IQSEC1: variants seen among roughly 807,000 people sequenced by gnomAD.
IQSEC1 encodes the protein IQ motif and SEC7 domain-containing protein 1.
A neutral mutation model predicts 91.0 loss-of-function variants in IQSEC1; 31 were observed. That is an observed-to-expected ratio of 0.34 (90% CI 0.26 to 0.46). IQSEC1 has a LOEUF of 0.46. IQSEC1 is among the 20% of genes least tolerant of loss of function. The probability of loss-of-function intolerance (pLI) is 1.00; values close to 1 mark genes in which losing one functional copy is unlikely to be tolerated. For missense variants in IQSEC1, 1,388 were observed against 1,575.6 expected (o/e 0.88, Z 2.02); for synonymous variants, 699 against 662.6 (o/e 1.05, Z -0.84).
At chr3:13,234,225 T>C (rs1694883581) in intron 1 of IQSEC1, among the ~76,000 whole-genome samples, 1 of 149,908 alleles carries the variant, frequency 6.7e-6, no homozygotes. Flanking sequence ...TGAGCCCCCG[T>C]GTCTGTGCCT....
chr3:13,047,772 T>C (rs1434383297), intron 1 of IQSEC1, among the ~76,000 whole-genome samples: 5 of 152,144 alleles, frequency 3.3e-5, no homozygotes, highest in African/African-American at 4.8e-5. Flanking sequence ...CCTGTTCAGA[T>C]GGGGAAACTG....
rs554485363 is a variant in IQSEC1 at position 13,106,291 on chromosome 3, T to C, written c.302+57813A>G. 3.9e-5 allele frequency among the ~76,000 whole-genome samples: 6 copies of C among 152,222 alleles called. No homozygotes were observed. The East Asian group carries it at 5.8e-4, about 15-fold the overall frequency. ...CTGGGCTCCCACTGCCCACACTCCA[T>C]TGTGACTCTCTACCTCCCCCAGGCC... On this transcript the variant is annotated intron_variant, in intron 2 of 15. Coordinates refer to the IQSEC1 transcript ENST00000648114.
chr3:12,943,679 C>T (rs1698962375), intron 1 of IQSEC1, among the ~76,000 whole-genome samples: 1 of 152,056 alleles, frequency 6.6e-6, no homozygotes, highest in African/African-American at 2.4e-5. Context: ...TTCTGCTCTG[C>T]TTCTGTCTCT....
At position 13,211,519 on chromosome 3, in the gene IQSEC1, G is replaced by A. The variant is rs1211762619; in HGVS notation, c.273-47386C>T. Among the ~76,000 whole-genome samples the A allele has an allele frequency of 2.6e-5, 4 of 151,998 alleles. No individual in the cohort carries two copies. The highest frequency in any genetic ancestry group is 9.7e-5 in the African/African-American group (4 of 41,368). ...CATCCACCCCCAAGTCCCCTTTTGG[G>A]AGCAGTGTCTTCAGCCACCTCCCTG... On this transcript the variant is annotated intron_variant, in intron 1 of 15. Coordinates refer to the IQSEC1 transcript ENST00000648114. The surrounding 1 kb of genome is among the most constrained non-coding windows in gnomAD (Gnocchi z 5.3).
Position 12,936,276 on chromosome 3 carries a change from C to A in IQSEC1, c.740G>T (p.Arg247Leu). 6.2e-7 allele frequency: 1 copy of A among 1,613,302 alleles called. No homozygotes were observed. The highest frequency in any genetic ancestry group is 1.1e-5 in the South Asian group (1 of 91,052). The change falls in exon 3 of 14, where the codon CGC becomes CTC. Residue 247 changes from arginine (R) to leucine (L), a missense_variant. Arg to Leu is a moderately radical substitution (Grantham distance 102). Around this residue, in one of 2 missense-constraint regions of IQSEC1, gnomAD observed 1,059 missense variants for 1,317.8 expected, o/e 0.80. Transcript: ENST00000613206. ...CGGTGCCTCCTCAGTGTGCAGGCTG[C>A]GGCAGTTGAGGGCATCGTCGATGGA... ...AESIDDALNC[R>L]SLHTEEAPAL...
intron 2 of IQSEC1, among the ~76,000 whole-genome samples, chr3:13,089,459 C>T (rs1462143729): frequency 6.6e-6 from 1 of 152,046 alleles, no homozygotes; most frequent in African/African-American, 2.4e-5. Context: ...GTGGTGCACA[C>T]CTGTAGTCCC....
In IQSEC1 at chr3:13,259,070, C is replaced by T. The variant is rs1164053386; in HGVS notation, c.272+23641G>A. ...CACCATGGCCAGAGAGGTCTCTCAACATGATAAACTGGACCCTGTCATCCA... is the reference window on the plus strand; with the variant it reads ...CACCATGGCCAGAGAGGTCTCTCAATATGATAAACTGGACCCTGTCATCCA... On this transcript the variant is annotated intron_variant, in intron 1 of 15. Transcript: ENST00000648114. This position sits in a 1 kb window ranked among gnomAD's most constrained non-coding sequence, Gnocchi z 4.6. 1.3e-5 allele frequency among the ~76,000 whole-genome samples: 2 copies of T among 152,214 alleles called. No individual in the cohort carries two copies. Among genetic ancestry groups the T allele is most frequent in the African/African-American group, 2.4e-5 (1 of 41,442 alleles).
At chr3:12,996,941 T>C (rs1702248056) in intron 1 of IQSEC1, among the ~76,000 whole-genome samples, 1 of 152,222 alleles carries the variant, frequency 6.6e-6, no homozygotes, top group Admixed American at 6.5e-5. Context: ...TCAAAAATGC[T>C]GTAGGGTGAG....
At chr3:13,251,811 T>C (rs1405809501) in intron 1 of IQSEC1, among the ~76,000 whole-genome samples, 1 of 152,158 alleles carries the variant, frequency 6.6e-6, no homozygotes, top group Admixed American at 6.5e-5. Flanking sequence ...CTAGGAGGAT[T>C]GAGTGACAAG....
chr3:12,923,742 C>T (rs911262450), intron 4 of IQSEC1, among the ~76,000 whole-genome samples: 27 of 152,218 alleles, frequency 1.8e-4, no homozygotes, highest in African/African-American at 6.5e-4. Context: ...CGTGAGGCCT[C>T]GTGCTCCAGG....
rs1244786554 is a variant in IQSEC1, at chr3:12,901,474, G to A, written c.2854C>T (p.Arg952Ter). 3 of 1,549,750 alleles carry A rather than the reference G, an allele frequency of 1.9e-6. No homozygotes were observed. The highest frequency in any genetic ancestry group is 2.0e-5 in the Admixed American group (1 of 50,992). The change falls in exon 14 of 14, where the codon CGA (arginine) becomes TGA (stop). Residue 952 changes from arginine (R) to a stop codon, truncating the protein, a stop_gained. Transcript: ENST00000613206. LOFTEE classifies it low-confidence loss of function (END_TRUNC). ...TGGTGTGGGCGAGATGGACACTCTC[G>A]TGTTGATGTAGCTCTCCGGCGCATG... ...PHMRRRATST[R>*]ECPSRPHQTM...
chr3:12,984,950 G>C (rs557949049), intron 1 of IQSEC1, among the ~76,000 whole-genome samples: 29 of 144,348 alleles, frequency 2.0e-4, no homozygotes, highest in Non-Finnish European at 3.4e-4. Flanking sequence ...TCAGCCTCCC[G>C]AGTAGCTGGG....
chr3:12,898,907 G>T lies in IQSEC1; in HGVS notation c.*2076C>A, dbSNP rs568777988. The T allele has an allele frequency of 1.1e-4, 17 of 154,468 alleles. No individual in the cohort carries two copies. The highest frequency in any genetic ancestry group is 2.4e-4 in the Non-Finnish European group (17 of 69,634). The allele number at this position is 154,468 out of a possible 1,614,324, so 9.6% of individuals were successfully genotyped here. ...AGCCTGGCTTTTAAAAAAGACCCGA[G>T]AATTGATGAGTCGGAGACACCAGGG... On this transcript the variant is annotated 3_prime_UTR_variant, in exon 14 of 14. Coordinates refer to ENST00000613206, the MANE Select transcript of IQSEC1 (RefSeq NM_001134382.3).
chr3:12,952,623 C>T (rs574248584), intron 1 of IQSEC1, among the ~76,000 whole-genome samples: 4 of 152,342 alleles, frequency 2.6e-5, no homozygotes, highest in African/African-American at 9.6e-5. Context: ...AGGACCCAGC[C>T]ATTCCTCCTG....
In IQSEC1 at chr3:12,972,515, T is replaced by C. The variant is rs917037648; in HGVS notation, c.24-30650A>G. Among the ~76,000 whole-genome samples, 46 of 152,220 alleles carry C rather than the reference T, an allele frequency of 3.0e-4. 1 individual carries two copies. The highest frequency in any genetic ancestry group is 1.1e-3 in the African/African-American group (45 of 41,456). Reference sequence around the variant, plus strand: ...CAACCACAAAAATCGATAAGACTGGTGGTGTAGCACATTTTGAGCTTCTGC... The same window carrying C: ...CAACCACAAAAATCGATAAGACTGGCGGTGTAGCACATTTTGAGCTTCTGC... On this transcript the variant is annotated intron_variant, in intron 1 of 13. Transcript: ENST00000613206.
At chr3:12,953,472 C>T (rs1265666426) in intron 1 of IQSEC1, among the ~76,000 whole-genome samples, 1 of 152,222 alleles carries the variant, frequency 6.6e-6, no homozygotes, top group Non-Finnish European at 1.5e-5. Flanking sequence ...GTCACCCAGA[C>T]CTCCAGAAGT....
Position 12,967,910 on chromosome 3 carries a change from GC to G in IQSEC1, c.24-26046del, listed in dbSNP as rs1700705000. Among the ~76,000 whole-genome samples, 1 of 143,310 alleles carries G rather than the reference GC, an allele frequency of 7.0e-6. No homozygotes were observed. The highest frequency in any genetic ancestry group is 2.5e-5 in the African/African-American group (1 of 39,256). The allele number at this position is 143,310 out of a possible 152,430, so 94.0% of individuals were successfully genotyped here. On this transcript the variant is annotated intron_variant, in intron 1 of 13. Coordinates refer to ENST00000613206, the MANE Select transcript of IQSEC1 (RefSeq NM_001134382.3). This position sits in a 1 kb window ranked among gnomAD's most constrained non-coding sequence, Gnocchi z 5.9. ...CAGGGGGCGGGGGGTCAGGGGCGGG[GC>G]GTCAGGGGCGGGGCTACGCGCAGGG...
At chr3:13,283,075 G>C (rs1433476176) in exon 1 of IQSEC1, among the ~76,000 whole-genome samples, 1 of 144,608 alleles carries the variant, frequency 6.9e-6, no homozygotes, top group Non-Finnish European at 1.5e-5. Flanking sequence ...ACGGCGGCTC[G>C]GCGCGGCGCG....
intron 1 of IQSEC1, among the ~76,000 whole-genome samples, chr3:13,257,221 C>G: frequency 6.6e-6 from 1 of 152,144 alleles, no homozygotes; most frequent in East Asian, 1.9e-4. Flanking sequence ...TCAGGACGAA[C>G]GTTTCCAAGT....
Sources: allele counts gnomAD v4.1 joint callset (sites outside exome capture counted in the v4.1 genomes callset), GRCh38; gene constraint gnomAD v4.1.1; regional missense constraint gnomAD v4.1.1; non-coding constraint Gnocchi (gnomAD v3.1); transcripts MANE v1.5; gene names NCBI Gene and HGNC (gene_info 2026-07-23, HGNC 2026-07-21).